HPCAL4: variants seen among roughly 807,000 people sequenced by gnomAD.
The protein encoded by HPCAL4 is hippocalcin-like protein 4.
HPCAL4 carries 16 observed loss-of-function variants against 18.2 expected under a neutral mutation model. The ratio of observed to expected loss-of-function variants is 0.88; its 90% confidence interval spans 0.59 to 1.33. The LOEUF is 1.33. HPCAL4 is among the 40% of genes most tolerant of loss of function. The pLI is 0.00. For missense variants in HPCAL4, 214 were observed against 256.6 expected (o/e 0.83, Z 1.14); for synonymous variants, 80 against 97.5 (o/e 0.82, Z 1.06).
intron 2 of HPCAL4, 36 bp from the exon 3 acceptor site, chr1:39,684,188 G>GGGGGCCC: frequency 7.0e-7 from 1 of 1,423,038 alleles, no homozygotes; most frequent in Non-Finnish European, 9.5e-7. Flanking sequence ...CGCAGCGACA[G>GGGGGCCC]CCCCGCCCAC....
rs1204272735 is a variant in HPCAL4, at chr1:39,684,440, A to T, written c.162+2T>A. ...CCCTCACACCAGGTGCCGGCCGCCC[A>T]CCTTGATGTAGAGCTGCTGAAACTC... is the stretch of plus-strand genomic sequence containing the variant. On this transcript the variant is annotated splice_donor_variant, in intron 2 of 3. Coordinates refer to ENST00000372844, the MANE Select transcript of HPCAL4 (RefSeq NM_016257.4). LOFTEE classifies it high-confidence loss of function. The T allele has an allele frequency of 6.7e-7, 1 of 1,503,024 alleles. No homozygotes were observed. Among genetic ancestry groups the T allele is most frequent in the South Asian group, 1.5e-5 (1 of 68,796 alleles). The allele number at this position is 1,503,024 out of a possible 1,614,324, so 93.1% of individuals were successfully genotyped here. A position where few individuals can be genotyped will look rare whatever the true frequency, so the allele number is the denominator to read the frequency against.
At chr1:39,684,246 TCCTCCC>T (rs1646654005) in intron 2 of HPCAL4, 94 bp from the exon 3 acceptor site, 1 of 1,122,774 alleles carries the variant, frequency 8.9e-7, no homozygotes, top group Admixed American at 2.5e-5. Context: ...GTGCCTCGCC[TCCTCCC>T]ACCCCGGGTG....
chr1:39,682,333 G>A lies in HPCAL4; in HGVS notation c.*203C>T, dbSNP rs1646633199. The A allele has an allele frequency of 3.4e-6, 2 of 589,504 alleles. No homozygotes were observed. Among genetic ancestry groups the A allele is most frequent in the Non-Finnish European group, 6.1e-6 (2 of 330,384 alleles). 36.5% of individuals were successfully genotyped at this position (589,504 alleles called of 1,614,324 possible). A position where few individuals can be genotyped will look rare whatever the true frequency, so the allele number is the denominator to read the frequency against. Reference sequence around the variant, plus strand: ...GTGGGAGGTGGGGCTAGAAGACAGGGTACTGGAGGACCTGTCTCTTTTGCA... The same window carrying A: ...GTGGGAGGTGGGGCTAGAAGACAGGATACTGGAGGACCTGTCTCTTTTGCA... On this transcript the variant is annotated 3_prime_UTR_variant, in exon 4 of 4. Coordinates refer to ENST00000372844, the MANE Select transcript of HPCAL4 (RefSeq NM_016257.4).
At chr1:39,690,169 C>G (rs1479442045) in intron 1 of HPCAL4, among the ~76,000 whole-genome samples, 3 of 152,148 alleles carry the variant, frequency 2.0e-5, no homozygotes, top group African/African-American at 7.2e-5. Flanking sequence ...TCTTTAATGT[C>G]CTCTTGGTTC....
In HPCAL4 at chr1:39,684,156, A is replaced by AG. The variant is rs766174112; in HGVS notation, c.163-5dup. 6.4e-6 allele frequency: 10 copies of AG among 1,556,550 alleles called. No homozygotes were observed. The highest frequency in any genetic ancestry group is 7.1e-6 in the Non-Finnish European group (8 of 1,132,876). ...AGGCGTCGCCGTAGGGGAAGAACTGAGGGGGGTGCGGTGGGTTGGGGCGCA... is the reference window on the plus strand; with the variant it reads ...AGGCGTCGCCGTAGGGGAAGAACTGAGGGGGGGTGCGGTGGGTTGGGGCGCA... On this transcript the variant is annotated splice_polypyrimidine_tract_variant and splice_region_variant and intron_variant, in intron 2 of 3. Transcript: ENST00000372844.
Position 39,682,454 on chromosome 1 carries a change from C to T in HPCAL4, c.*82G>A. The T allele has an allele frequency of 7.2e-7, 1 of 1,393,230 alleles. No individual in the cohort carries two copies. Among genetic ancestry groups the T allele is most frequent in the Non-Finnish European group, 1.0e-6 (1 of 993,462 alleles). 86.3% of individuals were successfully genotyped at this position (1,393,230 alleles called of 1,614,324 possible). ...AGAGGGGGGCTGGAGTGTCCCTCCTCCTGGGAGGCCAGCCAGAGAGGTCAT... is the reference window on the plus strand; with the variant it reads ...AGAGGGGGGCTGGAGTGTCCCTCCTTCTGGGAGGCCAGCCAGAGAGGTCAT... On this transcript the variant is annotated 3_prime_UTR_variant, in exon 4 of 4. Coordinates refer to ENST00000372844, the MANE Select transcript of HPCAL4 (RefSeq NM_016257.4).
intron 1 of HPCAL4, among the ~76,000 whole-genome samples, chr1:39,687,385 G>C (rs943379040): frequency 2.6e-5 from 4 of 152,204 alleles, no homozygotes; most frequent in African/African-American, 4.8e-5. Flanking sequence ...GATGTCTGAT[G>C]GGGGGAGGCA....
chr1:39,680,750 A>G lies in HPCAL4; in HGVS notation c.*1786T>C, dbSNP rs1436181291. ...ACCAGTGGTTGCTATCCCCAGCAAG[A>G]GGATAGCAACCCAGTGGCCTTGCTA... On this transcript the variant is annotated 3_prime_UTR_variant, in exon 4 of 4. Transcript: ENST00000372844. The G allele has an allele frequency of 6.6e-6, 1 of 152,238 alleles. No individual in the cohort carries two copies. Among genetic ancestry groups the G allele is most frequent in the African/African-American group, 2.4e-5 (1 of 41,430 alleles). The allele number at this position is 152,238 out of a possible 1,614,324, so 9.4% of individuals were successfully genotyped here. A position where few individuals can be genotyped will look rare whatever the true frequency, so the allele number is the denominator to read the frequency against.
chr1:39,682,240 C>G lies in HPCAL4; in HGVS notation c.*296G>C. 1 of 392,016 alleles carries G rather than the reference C, an allele frequency of 2.6e-6. No homozygotes were observed. The highest frequency in any genetic ancestry group is 4.7e-6 in the Non-Finnish European group (1 of 210,938). The allele number at this position is 392,016 out of a possible 1,614,324, so 24.3% of individuals were successfully genotyped here. On this transcript the variant is annotated 3_prime_UTR_variant, in exon 4 of 4. Coordinates refer to ENST00000372844, the MANE Select transcript of HPCAL4 (RefSeq NM_016257.4). ...CCTAACCAGAACCCCAGGCCCCCAA[C>G]TCCTTAACCTCACCTCCTGGGGCAA...
At chr1:39,683,095 G>A (rs1040297482) in intron 3 of HPCAL4, among the ~76,000 whole-genome samples, 1 of 152,134 alleles carries the variant, frequency 6.6e-6, no homozygotes, top group Non-Finnish European at 1.5e-5. Context: ...TGTTGACCGG[G>A]TTGGTCTCGA....
intron 3 of HPCAL4, 56 bp from the exon 4 acceptor site, chr1:39,682,789 G>A (rs1397813380): frequency 2.1e-6 from 3 of 1,415,008 alleles, no homozygotes; most frequent in African/African-American, 1.4e-5. Context: ...CCGAGAAGCA[G>A]CGGGTGAAGG....
In HPCAL4 at chr1:39,686,129, C is replaced by T. The variant is rs575231960; in HGVS notation, c.-8-1518G>A. 2.1e-4 allele frequency among the ~76,000 whole-genome samples: 31 copies of T among 144,750 alleles called. 1 individual carries two copies. In the South Asian group the frequency reaches 5.9e-3, roughly 28 times the overall value. 95.0% of individuals were successfully genotyped at this position (144,750 alleles called of 152,430 possible). ...CCCAGAGGCGGAGCTTGCGGTGAGC[C>T]GAGATCGCTCCACTGCACTCCAGCC... On this transcript the variant is annotated intron_variant, in intron 1 of 3. Coordinates refer to ENST00000372844, the MANE Select transcript of HPCAL4 (RefSeq NM_016257.4).
chr1:39,688,575 G>C (rs1484962541), intron 1 of HPCAL4, among the ~76,000 whole-genome samples: 1 of 152,078 alleles, frequency 6.6e-6, no homozygotes, highest in Non-Finnish European at 1.5e-5. Flanking sequence ...CCTCTGTTAG[G>C]AGGGAATGGC....
At chr1:39,690,780 G>A (rs974881107) in intron 1 of HPCAL4, among the ~76,000 whole-genome samples, 2 of 151,994 alleles carry the variant, frequency 1.3e-5, no homozygotes, top group African/African-American at 4.8e-5. Context: ...GGGGTGGGAT[G>A]TGGGGACAGT....
chr1:39,682,635 G>T lies in HPCAL4; in HGVS notation c.477C>A (p.Asp159Glu), dbSNP rs767827022. 6.2e-7 allele frequency: 1 copy of T among 1,614,212 alleles called. No individual in the cohort carries two copies. Among genetic ancestry groups the T allele is most frequent in the Non-Finnish European group, 8.5e-7 (1 of 1,180,016 alleles). The change falls in exon 4 of 4, where the codon GAC becomes GAA. Residue 159 changes from aspartate (D) to glutamate (E), a missense_variant. By Grantham distance (45) the Asp-to-Glu change is conservative. Transcript: ENST00000372844. ...ATGTAATCTGGTCGTCCTTATCCTG[G>T]TCCATCTTCTTGAAGATCTTGTCCA... ...QRVDKIFKKM[D>E]QDKDDQITLE...
At chr1:39,688,396 C>T (rs1646693033) in intron 1 of HPCAL4, among the ~76,000 whole-genome samples, 1 of 152,118 alleles carries the variant, frequency 6.6e-6, no homozygotes, top group Non-Finnish European at 1.5e-5. Flanking sequence ...TTTCCCTTCC[C>T]TTTGCCCTAG....
At chr1:39,690,851 G>A (rs921143965) in intron 1 of HPCAL4, among the ~76,000 whole-genome samples, 3 of 151,978 alleles carry the variant, frequency 2.0e-5, no homozygotes, top group African/African-American at 7.3e-5. Context: ...GGGGGCAGGG[G>A]CTCCCTGATG....
In HPCAL4 at chr1:39,679,267, T is replaced by A. The variant is rs1570468911; in HGVS notation, c.*3269A>T. The A allele has an allele frequency of 2.6e-5, 4 of 152,350 alleles. 1 individual carries two copies. The highest frequency in any genetic ancestry group is 2.6e-4 in the Admixed American group (4 of 15,288). The allele number at this position is 152,350 out of a possible 1,614,324, so 9.4% of individuals were successfully genotyped here. A position where few individuals can be genotyped will look rare whatever the true frequency, so the allele number is the denominator to read the frequency against. ...AAGGCAAATTTCTACCTCTAGAGAC[T>A]CTGCCATTGTCAGGAAAGGATTTAG... On this transcript the variant is annotated 3_prime_UTR_variant, in exon 4 of 4. Transcript: ENST00000372844.
intron 1 of HPCAL4, among the ~76,000 whole-genome samples, chr1:39,686,547 T>C (rs1646677073): frequency 1.3e-5 from 2 of 151,928 alleles, no homozygotes; most frequent in Non-Finnish European, 2.9e-5. Flanking sequence ...GTTGATTGGA[T>C]GTGGGAGTAA....
Sources: allele counts gnomAD v4.1 joint callset (sites outside exome capture counted in the v4.1 genomes callset), GRCh38; gene constraint gnomAD v4.1.1; transcripts MANE v1.5; gene names NCBI Gene and HGNC (gene_info 2026-07-23, HGNC 2026-07-21).